The following KAZN variants were observed in gnomAD, a reference collection of about 807,000 sequenced individuals.
KAZN encodes the protein kazrin.
Under a neutral mutation model 87.4 loss-of-function variants are expected in KAZN, and 40 were observed. That is an observed-to-expected ratio of 0.46 (90% confidence interval 0.36 to 0.60). The LOEUF (loss-of-function observed/expected upper bound fraction) is 0.60. Ranked by LOEUF, KAZN falls within the 20% of genes least tolerant of loss-of-function variation. KAZN has a pLI of 0.00. For synonymous variants in KAZN, 466 were observed against 458.3 expected (o/e 1.02, Z -0.22); for missense variants, 898 against 1,073.9 (o/e 0.84, Z 2.29).
intron 1 of KAZN, among the ~76,000 whole-genome samples, chr1:13,973,746 C>T (rs1413081610): frequency 6.6e-6 from 1 of 152,216 alleles, no homozygotes. Flanking sequence ...TTAACATCCC[C>T]ATTTTACAGA....
chr1:14,437,422 C>T (rs3927512), intron 2 of KAZN, among the ~76,000 whole-genome samples: 92,232 of 152,080 alleles, frequency 0.61, 28,397 homozygotes, highest in African/African-American at 0.7. Context: ...TCAACAATCA[C>T]GAGAAATGAT....
intron 1 of KAZN, among the ~76,000 whole-genome samples, chr1:14,027,550 G>A (rs192168599): frequency 2.4e-4 from 37 of 152,250 alleles, no homozygotes; most frequent in Non-Finnish European, 4.4e-4. Context: ...ATCAGAGAAG[G>A]TTGCAATAGC....
intron 1 of KAZN, among the ~76,000 whole-genome samples, chr1:14,163,036 A>T (rs1645744862): frequency 1.3e-5 from 2 of 152,000 alleles, no homozygotes; most frequent in Admixed American, 1.3e-4. Flanking sequence ...TATTAGTAGC[A>T]AGAAGAAACT....
chr1:13,960,077 TG>T (rs937424057), intron 1 of KAZN, among the ~76,000 whole-genome samples: 2 of 146,358 alleles, frequency 1.4e-5, no homozygotes, highest in African/African-American at 5.1e-5. Flanking sequence ...TACAGTCTAA[TG>T]GGGAAAAAGC....
chr1:15,034,813 G>C lies in KAZN; in HGVS notation c.483G>C (p.Gln161His). The change falls in exon 3 of 15, where the codon CAG (glutamine) becomes CAC (histidine). Residue 161 changes from glutamine (Q) to histidine (H), a missense_variant. Gln to His is a conservative substitution (Grantham distance 24, BLOSUM62 0). This residue lies in a region of KAZN where 250 missense variants were observed against 263.0 expected (regional missense o/e 0.95). Coordinates refer to ENST00000376030, the MANE Select transcript of KAZN (RefSeq NM_201628.3). ...EKTDLVSQMQ[Q>H]LYATLESREE... ...CAGACCTGGTGAGCCAGATGCAGCA[G>C]CTGTATGCCACACTGGAGAGCCGCG... 8.7e-6 allele frequency: 14 copies of C among 1,614,114 alleles called. No individual in the cohort carries two copies. Among genetic ancestry groups the C allele is most frequent in the Non-Finnish European group, 1.2e-5 (14 of 1,179,996 alleles).
At chr1:14,454,161 G>A (rs976536615) in intron 2 of KAZN, among the ~76,000 whole-genome samples, 4 of 152,192 alleles carry the variant, frequency 2.6e-5, no homozygotes, top group African/African-American at 9.7e-5. Flanking sequence ...AAGGAGCTAG[G>A]AGAAAGAGAT....
chr1:14,916,760 A>T (rs927894449), intron 1 of KAZN, among the ~76,000 whole-genome samples: 10 of 152,060 alleles, frequency 6.6e-5, no homozygotes, highest in Non-Finnish European at 1.5e-4. Context: ...AAAAAAATTA[A>T]AAATTAGCTG....
chr1:14,762,771 C>T (rs1464841910), intron 1 of KAZN, among the ~76,000 whole-genome samples: 1 of 151,956 alleles, frequency 6.6e-6, no homozygotes, highest in Admixed American at 6.6e-5. Flanking sequence ...GTTCAGATGG[C>T]TTCTCCACCC....
At chr1:14,271,560 C>T (rs12406699) in intron 2 of KAZN, among the ~76,000 whole-genome samples, 31,536 of 152,194 alleles carry the variant, frequency 0.21, 4,256 homozygotes, top group Middle Eastern at 0.39. Flanking sequence ...GGAAATATAA[C>T]TGTCATCTCT....
chr1:14,252,429 C>T (rs896998368), intron 2 of KAZN, among the ~76,000 whole-genome samples: 1 of 152,082 alleles, frequency 6.6e-6, no homozygotes, highest in Non-Finnish European at 1.5e-5. Flanking sequence ...TTAATGATAC[C>T]ACTGCCCCAT....
At chr1:14,052,166 C>T (rs987402953) in intron 1 of KAZN, among the ~76,000 whole-genome samples, 1 of 152,198 alleles carries the variant, frequency 6.6e-6, no homozygotes, top group Admixed American at 6.5e-5. Flanking sequence ...CCTGCTCTCC[C>T]AGGGGTCAGC....
chr1:14,266,552 G>T (rs1651485931), intron 2 of KAZN, among the ~76,000 whole-genome samples: 1 of 152,178 alleles, frequency 6.6e-6, no homozygotes, highest in African/African-American at 2.4e-5. Flanking sequence ...AAATAAATGT[G>T]AGTTTTACGC....
chr1:14,420,286 C>G (rs1421376310), intron 2 of KAZN, among the ~76,000 whole-genome samples: 9 of 152,174 alleles, frequency 5.9e-5, no homozygotes, highest in Non-Finnish European at 1.2e-4. Context: ...ACCAGATTAG[C>G]TAGATACAGA....
intron 1 of KAZN, among the ~76,000 whole-genome samples, chr1:14,639,028 C>A (rs1477913785): frequency 6.6e-6 from 1 of 152,222 alleles, no homozygotes; most frequent in Non-Finnish European, 1.5e-5. Flanking sequence ...TTCCACCATA[C>A]ACAATGGGCT....
intron 1 of KAZN, among the ~76,000 whole-genome samples, chr1:14,840,826 A>G (rs1176965701): frequency 1.3e-5 from 2 of 152,246 alleles, no homozygotes; most frequent in Non-Finnish European, 2.9e-5. Flanking sequence ...TATTGAATGC[A>G]TGCCTACCAT....
At chr1:14,071,474 A>G (rs1643244404) in intron 1 of KAZN, among the ~76,000 whole-genome samples, 1 of 152,180 alleles carries the variant, frequency 6.6e-6, no homozygotes, top group Admixed American at 6.5e-5. Flanking sequence ...AGCTCTTTCC[A>G]TGACAGATTT....
intron 1 of KAZN, among the ~76,000 whole-genome samples, chr1:14,746,029 T>C (rs981861676): frequency 3.3e-5 from 5 of 152,076 alleles, no homozygotes; most frequent in African/African-American, 1.2e-4. Flanking sequence ...GAAAGAAAAA[T>C]CACATTCATT....
At chr1:14,341,947 C>A (rs886487214) in intron 2 of KAZN, among the ~76,000 whole-genome samples, 6 of 152,118 alleles carry the variant, frequency 3.9e-5, no homozygotes, top group African/African-American at 1.4e-4. Context: ...GCCTAGTACC[C>A]ATTAGTTATT....
chr1:14,030,346 C>T (rs561562271), intron 1 of KAZN, among the ~76,000 whole-genome samples: 4 of 147,696 alleles, frequency 2.7e-5, no homozygotes, highest in East Asian at 2.0e-4. Context: ...AACCAAACAC[C>T]GCATATTCTC....
Sources: gnomAD v4.1 joint callset for allele counts (sites outside exome capture counted in the v4.1 genomes callset) on GRCh38, gnomAD v4.1.1 for gene constraint, gnomAD v4.1.1 regional missense constraint, MANE v1.5 for transcripts, NCBI Gene and HGNC (gene_info 2026-07-23, HGNC 2026-07-21) for gene names.